The following MAD2L1 variants were observed in gnomAD, a reference collection of about 807,000 sequenced individuals.
MAD2L1 encodes mitotic arrest deficient 2 like 1, also known as mitotic spindle assembly checkpoint protein MAD2A.
A neutral mutation model predicts 25.9 loss-of-function variants in MAD2L1; 10 were observed. The observed-to-expected ratio is 0.39, with a 90% CI of 0.24 to 0.66. MAD2L1 has a LOEUF of 0.66. Among genes scored for constraint, MAD2L1 ranks in the 30% least tolerant of loss-of-function variants. The pLI is 0.49. For missense variants in MAD2L1, 180 were observed against 246.4 expected (o/e 0.73, Z 1.80); for synonymous variants, 81 against 91.8 (o/e 0.88, Z 0.67).
rs928656054 is a variant in MAD2L1 at position 120,058,631 on chromosome 4, G to T, written c.*1487C>A. ...GCGACAGAATAAGACTCCATCTTGG[G>T]GGGGAAAAGTGATTTCGCAGAATTT... is the stretch of plus-strand genomic sequence containing the variant. On this transcript the variant is annotated 3_prime_UTR_variant, in exon 5 of 5. Transcript: ENST00000296509. 2 of 152,118 alleles carry T rather than the reference G, an allele frequency of 1.3e-5. No homozygotes were observed. The highest frequency in any genetic ancestry group is 3.9e-4 in the East Asian group (2 of 5,184). 9.4% of individuals were successfully genotyped at this position (152,118 alleles called of 1,614,324 possible).
At chr4:120,061,342 A>C (rs1409197437) in intron 3 of MAD2L1, among the ~76,000 whole-genome samples, 5 of 152,220 alleles carry the variant, frequency 3.3e-5, no homozygotes, top group African/African-American at 1.2e-4. Flanking sequence ...TAATCATTTC[A>C]GCATTTTTAG....
At position 120,056,815 on chromosome 4, in the gene MAD2L1, G is replaced by C. The variant is rs1726118488; in HGVS notation, c.*3303C>G. On this transcript the variant is annotated 3_prime_UTR_variant, in exon 5 of 5. Coordinates refer to ENST00000296509, the MANE Select transcript of MAD2L1 (RefSeq NM_002358.4). ...AAGAACCTCCCTTAACAAGTTTTCA[G>C]ATCAAATTGTGAACTGTGGGGTGTG... 6.6e-6 allele frequency: 1 copy of C among 152,158 alleles called. No homozygotes were observed. The highest frequency in any genetic ancestry group is 1.5e-5 in the Non-Finnish European group (1 of 68,028). 9.4% of individuals were successfully genotyped at this position (152,158 alleles called of 1,614,324 possible).
chr4:120,066,683 C>T lies in MAD2L1; in HGVS notation c.52G>A (p.Glu18Lys). ...TTACAGAAGAACTCGGCCACGATTT[C>T]GGCGCTCCCGCGCAGGGTGATTCCC... ...EQGITLRGSA[E>K]IVAEFFSFGI... The change falls in exon 1 of 5, where the codon GAA becomes AAA. Residue 18 changes from glutamate (E) to lysine (K), a missense_variant. Coordinates refer to ENST00000296509, the MANE Select transcript of MAD2L1 (RefSeq NM_002358.4). 1.2e-6 allele frequency: 2 copies of T among 1,603,950 alleles called. No individual in the cohort carries two copies. The highest frequency in any genetic ancestry group is 1.7e-6 in the Non-Finnish European group (2 of 1,173,180).
At position 120,060,226 on chromosome 4, in the gene MAD2L1, C is replaced by T. The variant is rs748779990; in HGVS notation, c.510G>A (p.Ser170=). 33 of 1,612,696 alleles carry T rather than the reference C, an allele frequency of 2.0e-5. No individual in the cohort carries two copies. The African/African-American group carries it at 2.5e-4, about 12-fold the overall frequency. ...CAGAATTGGTAATAAACTGTGGTCC[C>T]GACTCTTCCCATTTTTCAGGTACAA... is the stretch of plus-strand genomic sequence containing the variant. The part of the protein sequence containing the change: ...DLVVPEKWEE[S]GPQFITNSEE... The change falls in exon 5 of 5, where the codon TCG becomes TCA. Residue 170 remains serine, a synonymous_variant. Transcript: ENST00000296509.
chr4:120,061,559 T>G (rs190545102), intron 3 of MAD2L1, among the ~76,000 whole-genome samples: 14 of 152,228 alleles, frequency 9.2e-5, no homozygotes, highest in South Asian at 2.1e-4. Flanking sequence ...CTTCAGAAAT[T>G]TATGAAGTGT....
intron 2 of MAD2L1, chr4:120,065,442 A>C (rs1726298536): frequency 2.4e-6 from 1 of 424,420 alleles, no homozygotes; most frequent in African/African-American, 2.0e-5. Flanking sequence ...GGAGTTGATG[A>C]AGACTATTTT....
At chr4:120,064,635 C>T (rs1227977824) in intron 2 of MAD2L1, among the ~76,000 whole-genome samples, 1 of 152,116 alleles carries the variant, frequency 6.6e-6, no homozygotes, top group African/African-American at 2.4e-5. Flanking sequence ...GGCTATCTTC[C>T]CTTGCCTGTT....
At position 120,059,936 on chromosome 4, in the gene MAD2L1, T is replaced by C. The variant is rs571442973; in HGVS notation, c.*182A>G. On this transcript the variant is annotated 3_prime_UTR_variant, in exon 5 of 5. Coordinates refer to ENST00000296509, the MANE Select transcript of MAD2L1 (RefSeq NM_002358.4). The stretch of plus-strand genomic sequence containing the variant: ...CAATAAATTCATGATGTTAACTCCA[T>C]GGTAAGTCAAATAGGTACCAAAAAA... 1.5e-5 allele frequency: 7 copies of C among 478,562 alleles called. No homozygotes were observed. The highest frequency in any genetic ancestry group is 1.3e-4 in the African/African-American group (7 of 51,876). 29.6% of individuals were successfully genotyped at this position (478,562 alleles called of 1,614,324 possible).
chr4:120,063,780 G>A (rs1726265103), intron 2 of MAD2L1, among the ~76,000 whole-genome samples: 1 of 152,212 alleles, frequency 6.6e-6, no homozygotes, highest in African/African-American at 2.4e-5. Context: ...GGGAGGCAGA[G>A]GTGGGTGGAT....
At position 120,057,684 on chromosome 4, in the gene MAD2L1, AC is replaced by A. The variant is rs1026891745; in HGVS notation, c.*2433del. The A allele has an allele frequency of 1.3e-5, 2 of 152,146 alleles. No homozygotes were observed. The highest frequency in any genetic ancestry group is 4.8e-5 in the African/African-American group (2 of 41,424). The allele number at this position is 152,146 out of a possible 1,614,324, so 9.4% of individuals were successfully genotyped here. ...ACCTTCTCTTTAACATGGTGTAGAA[AC>A]CACTCACAAGTCTTTCAGCTGTTGA... is the stretch of plus-strand genomic sequence containing the variant. On this transcript the variant is annotated 3_prime_UTR_variant, in exon 5 of 5. Coordinates refer to ENST00000296509, the MANE Select transcript of MAD2L1 (RefSeq NM_002358.4).
intron 4 of MAD2L1, among the ~76,000 whole-genome samples, chr4:120,060,650 CATT>C (rs1009575224): frequency 7.9e-5 from 12 of 152,008 alleles, no homozygotes; most frequent in Non-Finnish European, 1.5e-4. Context: ...AAGAAAAAAA[CATT>C]ATATAGGGTT....
Position 120,059,105 on chromosome 4 carries a change from T to C in MAD2L1, c.*1013A>G, listed in dbSNP as rs1726161763. 1.3e-5 allele frequency: 2 copies of C among 152,152 alleles called. No individual in the cohort carries two copies. Among genetic ancestry groups the C allele is most frequent in the South Asian group, 2.1e-4 (1 of 4,832 alleles). The allele number at this position is 152,152 out of a possible 1,614,324, so 9.4% of individuals were successfully genotyped here. ...CAGGAATAAGCATAGTATTTAAGTATATAAGGAAAAGTAGGCTGACAATAA... is the reference window on the plus strand; with the variant it reads ...CAGGAATAAGCATAGTATTTAAGTACATAAGGAAAAGTAGGCTGACAATAA... On this transcript the variant is annotated 3_prime_UTR_variant, in exon 5 of 5. Coordinates refer to ENST00000296509, the MANE Select transcript of MAD2L1 (RefSeq NM_002358.4).
intron 2 of MAD2L1, among the ~76,000 whole-genome samples, chr4:120,063,157 A>G (rs1449651445): frequency 6.6e-6 from 1 of 152,198 alleles, no homozygotes; most frequent in East Asian, 1.9e-4. Flanking sequence ...ATAAAGATAT[A>G]GCTGCTGGAT....
chr4:120,065,596 G>T, intron 2 of MAD2L1, 76 bp downstream of exon 2: 1 of 1,332,754 alleles, frequency 7.5e-7, no homozygotes, highest in Non-Finnish European at 1.1e-6. Context: ...ACACTTCTAT[G>T]TGCAGAGCGG....
At chr4:120,060,807 G>A (rs1269693053) in intron 4 of MAD2L1, 67 bp downstream of exon 4, 2 of 936,138 alleles carry the variant, frequency 2.1e-6, no homozygotes, top group East Asian at 5.2e-5. Flanking sequence ...ATAAAGGGGT[G>A]ATTACGGCAG....
rs1453650214 is a variant in MAD2L1 at position 120,059,975 on chromosome 4, T to C, written c.*143A>G. 6.4e-6 allele frequency: 4 copies of C among 627,192 alleles called. No homozygotes were observed. The African/African-American group carries it at 7.3e-5, about 11-fold the overall frequency. The allele number at this position is 627,192 out of a possible 1,614,324, so 38.9% of individuals were successfully genotyped here. ...GGTACCAAAAAAATAAAAGGAACAA[T>C]TACACACAGTTCAGTAAGTATCATT... is the stretch of plus-strand genomic sequence containing the variant. On this transcript the variant is annotated 3_prime_UTR_variant, in exon 5 of 5. Coordinates refer to ENST00000296509, the MANE Select transcript of MAD2L1 (RefSeq NM_002358.4).
rs1160032447 is a variant in MAD2L1 at position 120,066,516 on chromosome 4, A to G, written c.73+146T>C. ...AGGCCCCAGCAGCACGCAGGCCTGC[A>G]GCTCCACGTTAGCAACGCGTCTGGA... On this transcript the variant is annotated intron_variant, in intron 1 of 4. Transcript: ENST00000296509. The G allele has an allele frequency of 4.0e-5, 26 of 655,028 alleles. No homozygotes were observed. In the East Asian group the frequency reaches 7.0e-4, roughly 18 times the overall value. 40.6% of individuals were successfully genotyped at this position (655,028 alleles called of 1,614,324 possible).
chr4:120,063,571 G>A (rs1726261051), intron 2 of MAD2L1, among the ~76,000 whole-genome samples: 1 of 152,154 alleles, frequency 6.6e-6, no homozygotes, highest in Admixed American at 6.5e-5. Flanking sequence ...AGGAGACTGG[G>A]TGGTAATTTG....
intron 2 of MAD2L1, among the ~76,000 whole-genome samples, chr4:120,065,043 T>C (rs1260961659): frequency 1.3e-5 from 2 of 152,126 alleles, no homozygotes; most frequent in African/African-American, 4.8e-5. Context: ...GAAGAACAAG[T>C]ATTCACCCAA....
Sources: gnomAD v4.1 joint callset for allele counts (sites outside exome capture counted in the v4.1 genomes callset) on GRCh38, gnomAD v4.1.1 for gene constraint, MANE v1.5 for transcripts, NCBI Gene and HGNC (gene_info 2026-07-23, HGNC 2026-07-21) for gene names.